CCDC141: variants seen among roughly 807,000 people sequenced by gnomAD.
CCDC141 encodes coiled-coil domain-containing protein 141.
Under a neutral mutation model 181.0 loss-of-function variants are expected in CCDC141, and 168 were observed. That is an observed-to-expected ratio of 0.93 (90% CI 0.82 to 1.05). The LOEUF is 1.05. Ranked by LOEUF, CCDC141 falls within the 50% of genes least tolerant of loss-of-function variation. The pLI, the probability that CCDC141 is intolerant of heterozygous loss-of-function variation, is 0.00. For synonymous variants in CCDC141, 666 were observed against 642.3 expected (o/e 1.04, Z -0.56); for missense variants, 1,902 against 1,788.5 (o/e 1.06, Z -1.14).
chr2:178,948,323 A>G (rs914720028), intron 5 of CCDC141, among the ~76,000 whole-genome samples: 1 of 152,016 alleles, frequency 6.6e-6, no homozygotes, highest in African/African-American at 2.4e-5. Context: ...TTAATTTTTT[A>G]CTTTTAAAAT....
chr2:178,983,690 C>T (rs531814713), intron 2 of CCDC141, among the ~76,000 whole-genome samples: 4 of 150,722 alleles, frequency 2.7e-5, no homozygotes, highest in Admixed American at 6.6e-5. Context: ...GGAGCCGATG[C>T]GATCAACTGG....
chr2:178,905,818 G>A (rs1687940083), intron 7 of CCDC141, among the ~76,000 whole-genome samples: 1 of 152,154 alleles, frequency 6.6e-6, no homozygotes, highest in Non-Finnish European at 1.5e-5. Flanking sequence ...AGTCAGTCTG[G>A]TTTATTTTGT....
At chr2:178,997,004 T>C (rs551409936) in intron 2 of CCDC141, among the ~76,000 whole-genome samples, 1 of 152,214 alleles carries the variant, frequency 6.6e-6, no homozygotes, top group South Asian at 2.1e-4. Flanking sequence ...TCAAACAGAA[T>C]GAACTAGACA....
chr2:178,913,930 A>T (rs564839661), intron 7 of CCDC141, among the ~76,000 whole-genome samples: 1 of 152,198 alleles, frequency 6.6e-6, no homozygotes, highest in Non-Finnish European at 1.5e-5. Flanking sequence ...TTTGGGTTCA[A>T]TTGCAGCTGT....
At chr2:178,966,884 T>C (rs1406091166) in intron 4 of CCDC141, among the ~76,000 whole-genome samples, 2 of 151,654 alleles carry the variant, frequency 1.3e-5, no homozygotes, top group African/African-American at 4.8e-5. Flanking sequence ...CTAACTAGAA[T>C]AACCAGTGCA....
intron 11 of CCDC141, among the ~76,000 whole-genome samples, chr2:178,882,694 T>C (rs10183734): frequency 0.36 from 55,326 of 151,660 alleles, 11,738 homozygotes; most frequent in East Asian, 0.83. Flanking sequence ...AGGGAGCATA[T>C]GGGAGACCTA....
intron 18 of CCDC141, 113 bp from the exon 19 acceptor site, chr2:178,855,654 TA>T (rs1685352910): frequency 3.4e-6 from 2 of 583,138 alleles, no homozygotes; most frequent in Non-Finnish European, 5.9e-6. Context: ...TCCAATCTAT[TA>T]AAATAATAAT....
chr2:178,989,360 G>A (rs1222297004), intron 2 of CCDC141, among the ~76,000 whole-genome samples: 9 of 152,016 alleles, frequency 5.9e-5, no homozygotes, highest in Admixed American at 1.3e-4. Context: ...TTGGGAGGCC[G>A]AGGCAGGCAG....
intron 8 of CCDC141, among the ~76,000 whole-genome samples, chr2:178,890,450 G>T (rs1359636075): frequency 2.0e-5 from 3 of 152,156 alleles, no homozygotes; most frequent in Non-Finnish European, 4.4e-5. Flanking sequence ...CTAGATCTCA[G>T]TAACCAGCTC....
Position 178,845,683 on chromosome 2 carries a change from G to T in CCDC141, c.3417C>A (p.Asp1139Glu). The change falls in exon 22 of 24, where the codon GAC becomes GAA. Residue 1139 changes from aspartate to glutamate, a missense_variant. Physicochemically the swap from Asp to Glu is conservative, Grantham distance 45 (BLOSUM62 2). Coordinates refer to ENST00000443758, the MANE Select transcript of CCDC141 (RefSeq NM_173648.4). ...TATTTTTTGCTGGTTCCTTTAGCAA[G>T]TCAATGTAATCATAATGGAAGTCTT... Reference protein sequence around the residue: ...NLEDFHYDYIDLLKEPAKNKQ... With the variant: ...NLEDFHYDYIELLKEPAKNKQ... The T allele has an allele frequency of 6.2e-7, 1 of 1,612,602 alleles. No individual in the cohort carries two copies. The highest frequency in any genetic ancestry group is 8.5e-7 in the Non-Finnish European group (1 of 1,178,876).
chr2:178,833,966 A>G lies in CCDC141; in HGVS notation c.*207T>C. 1.8e-6 allele frequency: 1 copy of G among 568,552 alleles called. No individual in the cohort carries two copies. The highest frequency in any genetic ancestry group is 3.1e-6 in the Non-Finnish European group (1 of 323,930). 35.2% of individuals were successfully genotyped at this position (568,552 alleles called of 1,614,324 possible). A position where few individuals can be genotyped will look rare whatever the true frequency, so the allele number is the denominator to read the frequency against. On this transcript the variant is annotated 3_prime_UTR_variant, in exon 24 of 24. Transcript: ENST00000443758. ...GTACAAAAATCTGTTCTTATCCACT[A>G]CAGATAATTTACCAAGCTTCTCAAA...
chr2:178,918,398 G>A lies in CCDC141; in HGVS notation c.1092+315C>T, dbSNP rs528509146. Reference sequence around the variant, plus strand: ...ACTCCAGCCAGGGTGACAGAGCCAGGCCCTTTCTCAAAACAACAACAAAAA... The same window carrying A: ...ACTCCAGCCAGGGTGACAGAGCCAGACCCTTTCTCAAAACAACAACAAAAA... On this transcript the variant is annotated intron_variant, in intron 7 of 23. Coordinates refer to ENST00000443758, the MANE Select transcript of CCDC141 (RefSeq NM_173648.4). Among the ~76,000 whole-genome samples the A allele has an allele frequency of 2.6e-5, 4 of 152,198 alleles. No individual in the cohort carries two copies. The East Asian group carries it at 7.7e-4, about 29-fold the overall frequency.
intron 23 of CCDC141, 87 bp from the exon 24 acceptor site, chr2:178,834,527 T>C (rs1366037506): frequency 7.4e-7 from 1 of 1,359,396 alleles, no homozygotes; most frequent in Non-Finnish European, 1.0e-6. Flanking sequence ...AATAGGCCCA[T>C]TACCACTGCA....
intron 4 of CCDC141, among the ~76,000 whole-genome samples, chr2:178,970,169 T>A (rs1690820632): frequency 1.3e-5 from 2 of 152,138 alleles, no homozygotes; most frequent in African/African-American, 4.8e-5. Context: ...ATAGGAAGAA[T>A]CAATATTGTG....
intron 8 of CCDC141, among the ~76,000 whole-genome samples, chr2:178,903,384 T>C (rs1687800136): frequency 6.6e-6 from 1 of 151,904 alleles, no homozygotes; most frequent in Non-Finnish European, 1.5e-5. Context: ...TAGACTGGAT[T>C]AAGAAAATGT....
chr2:178,951,332 G>T (rs1689945115), intron 5 of CCDC141, among the ~76,000 whole-genome samples: 1 of 152,182 alleles, frequency 6.6e-6, no homozygotes, highest in African/African-American at 2.4e-5. Flanking sequence ...GAACTACTTA[G>T]GAGTGGGACC....
Position 178,853,550 on chromosome 2 carries a change from C to T in CCDC141, c.3135G>A (p.Lys1045=), listed in dbSNP as rs267599097. The change falls in exon 20 of 24, where the codon AAG becomes AAA. Residue 1045 remains lysine (K), a synonymous_variant. Transcript: ENST00000443758. The part of the protein sequence containing the change: ...VGKYSTECKT[K]EAVKILHQQF... ...GCTGGTGGAGAATTTTCACAGCTTCCTTTGTCTTGCACTCTGTGGAATATT... is the reference window on the plus strand; with the variant it reads ...GCTGGTGGAGAATTTTCACAGCTTCTTTTGTCTTGCACTCTGTGGAATATT... The T allele has an allele frequency of 5.0e-6, 8 of 1,613,996 alleles. No homozygotes were observed. Among genetic ancestry groups the T allele is most frequent in the Non-Finnish European group, 6.8e-6 (8 of 1,180,004 alleles).
At chr2:178,942,522 C>T (rs948072813) in intron 6 of CCDC141, among the ~76,000 whole-genome samples, 9 of 152,152 alleles carry the variant, frequency 5.9e-5, no homozygotes, top group South Asian at 2.1e-4. Context: ...ACAGGCAGAG[C>T]GCAGAGGAGT....
chr2:178,887,790 C>A (rs1216866282), intron 9 of CCDC141, among the ~76,000 whole-genome samples: 1 of 152,178 alleles, frequency 6.6e-6, no homozygotes, highest in African/African-American at 2.4e-5. Context: ...GCATATAAGT[C>A]CACCGTATCA....
Sources: gnomAD v4.1 joint callset for allele counts (sites outside exome capture counted in the v4.1 genomes callset) on GRCh38, gnomAD v4.1.1 for gene constraint, MANE v1.5 for transcripts, NCBI Gene and HGNC (gene_info 2026-07-23, HGNC 2026-07-21) for gene names.